The following ECM1 variants were observed in gnomAD, a reference collection of about 807,000 sequenced individuals.
ECM1 encodes the protein secretory component p85.
In ECM1, 54 loss-of-function variants were observed where a neutral mutation model predicts 57.9. The observed-to-expected ratio is 0.93, with a 90% CI of 0.75 to 1.17. ECM1 has a LOEUF of 1.17. Ranked by LOEUF, ECM1 falls within the 50% of genes most tolerant of loss-of-function variation. The pLI, the probability that ECM1 is intolerant of heterozygous loss-of-function variation, is 0.00. For synonymous variants in ECM1, 237 were observed against 259.1 expected, an observed-to-expected ratio of 0.91 and a Z score of 0.82; for missense variants, 649 against 688.1, an observed-to-expected ratio of 0.94 and a Z score of 0.64.
rs1172419698 is a variant in ECM1 at position 150,513,679 on chromosome 1, T to G, written c.*212T>G. 3.7e-6 allele frequency: 2 copies of G among 535,956 alleles called. No homozygotes were observed. Among genetic ancestry groups the G allele is most frequent in the African/African-American group, 3.8e-5 (2 of 52,852 alleles). 33.2% of individuals were successfully genotyped at this position (535,956 alleles called of 1,614,324 possible). ...ACAGACAAACACACCCTCCTAAGCCTGCTTGTATTTCCTTCAGTGCCTGGC... is the reference window on the plus strand; with the variant it reads ...ACAGACAAACACACCCTCCTAAGCCGGCTTGTATTTCCTTCAGTGCCTGGC... On this transcript the variant is annotated 3_prime_UTR_variant, in exon 10 of 10. Transcript: ENST00000369047.
At chr1:150,510,852 T>C in intron 5 of ECM1, 24 bp from the exon 6 acceptor site, 1 of 1,612,988 alleles carries the variant, frequency 6.2e-7, no homozygotes, top group Non-Finnish European at 8.5e-7. Flanking sequence ...ATGTCCCCGC[T>C]TCCCACTGTT....
chr1:150,510,788 A>T, intron 5 of ECM1, 88 bp from the exon 6 acceptor site: 1 of 1,354,772 alleles, frequency 7.4e-7, no homozygotes, highest in Non-Finnish European at 1.1e-6. Flanking sequence ...TTTCTCCTCC[A>T]CCCCAGATTC....
Position 150,513,444 on chromosome 1 carries a change from A to T in ECM1, c.1600A>T (p.Thr534Ser). 6.2e-7 allele frequency: 1 copy of T among 1,613,268 alleles called. No homozygotes were observed. Among genetic ancestry groups the T allele is most frequent in the South Asian group, 1.1e-5 (1 of 91,046 alleles). The change falls in exon 10 of 10, where the codon ACC becomes TCC. Residue 534 changes from threonine (T) to serine (S), a missense_variant. Physicochemically the swap from Thr to Ser is moderately conservative, Grantham distance 58. Transcript: ENST00000369047. ...GSTGGTNISS[T>S]SEPKEE ...AACTGGAGGAACAAATATCAGCTCC[A>T]CCTCTGAGCCCAAGGAAGAATGAGT...
chr1:150,511,383 C>T (rs1283119931), intron 6 of ECM1, 74 bp from the exon 7 acceptor site: 6 of 1,611,570 alleles, frequency 3.7e-6, no homozygotes, highest in Non-Finnish European at 4.2e-6. Context: ...ATCTGCCTGC[C>T]CAGTGTCCTT....
In ECM1 at chr1:150,513,546, A is replaced by C; in HGVS notation, c.*79A>C. 1.5e-6 allele frequency: 2 copies of C among 1,290,484 alleles called. No homozygotes were observed. Among genetic ancestry groups the C allele is most frequent in the Non-Finnish European group, 2.2e-6 (2 of 928,198 alleles). The allele number at this position is 1,290,484 out of a possible 1,614,324, so 79.9% of individuals were successfully genotyped here. On this transcript the variant is annotated 3_prime_UTR_variant, in exon 10 of 10. Coordinates refer to ENST00000369047, the MANE Select transcript of ECM1 (RefSeq NM_004425.4). ...CATCTGAACACTCATTACACTAAAC[A>C]CCTCTTGGATTTGGTGTCCTCATTG...
At chr1:150,510,262 G>T in intron 5 of ECM1, 80 bp downstream of exon 5, 1 of 1,339,008 alleles carries the variant, frequency 7.5e-7, no homozygotes. Context: ...CAGACAAGAC[G>T]GTGGGCTCTG....
rs1560265956 is a variant in ECM1 at position 150,511,440 on chromosome 1, C to CT, written c.709-16dup. On this transcript the variant is annotated splice_polypyrimidine_tract_variant and intron_variant, in intron 6 of 9. Coordinates refer to ENST00000369047, the MANE Select transcript of ECM1 (RefSeq NM_004425.4). ...CAGGAATGTGGAAAGTGGGCTGATC[C>CT]TCCCCTCTTGCTCTAGTGGGAGGAA... is the stretch of plus-strand genomic sequence containing the variant. 1.9e-6 allele frequency: 3 copies of CT among 1,614,020 alleles called. No homozygotes were observed.
At chr1:150,508,641 T>C (rs1570881163) in intron 1 of ECM1, among the ~76,000 whole-genome samples, 1 of 151,964 alleles carries the variant, frequency 6.6e-6, no homozygotes, top group East Asian at 1.9e-4. Flanking sequence ...CAAAACCGGA[T>C]TGCTGGCCCA....
Position 150,511,202 on chromosome 1 carries a change from AGGTTGGGTTCTTG to A in ECM1, c.708+5_708+17del. The A allele has an allele frequency of 1.9e-6, 3 of 1,614,112 alleles. No individual in the cohort carries two copies. Among genetic ancestry groups the A allele is most frequent in the Admixed American group, 1.7e-5 (1 of 60,024 alleles). The stretch of plus-strand genomic sequence containing the variant: ...CCTAGAGTGTGCCAAACTTGTGGTA[AGGTTGGGTTCTTG>A]ATGCCGGGGGGTGTCCTTTAACCCC... On this transcript the variant is annotated splice_donor_5th_base_variant and intron_variant, in intron 6 of 9. Transcript: ENST00000369047.
chr1:150,513,430 C>T lies in ECM1; in HGVS notation c.1586C>T (p.Thr529Ile). ...GQGEQGSTGGTNISSTSEPKE... is the reference protein window; with the variant it reads ...GQGEQGSTGGINISSTSEPKE... ...GGGGAGCAGGGCTCAACTGGAGGAA[C>T]AAATATCAGCTCCACCTCTGAGCCC... is the stretch of plus-strand genomic sequence containing the variant. Residue 529 changes from threonine to isoleucine, a missense_variant, in exon 10 of 10, where the codon ACA becomes ATA. By Grantham distance (89) the Thr-to-Ile change is moderately conservative (BLOSUM62 -1). Coordinates refer to ENST00000369047, the MANE Select transcript of ECM1 (RefSeq NM_004425.4). The T allele has an allele frequency of 6.2e-7, 1 of 1,613,896 alleles. No individual in the cohort carries two copies. Among genetic ancestry groups the T allele is most frequent in the South Asian group, 1.1e-5 (1 of 91,076 alleles).
At position 150,512,830 on chromosome 1, in the gene ECM1, A is replaced by G. The variant is rs1670481212; in HGVS notation, c.1392+18A>G. ...AGGAGGAGGTGAGTGTGTGGAGTCT[A>G]GTCTCCAGAGGAATGCAGGGGAGGG... On this transcript the variant is annotated intron_variant, in intron 9 of 9. Coordinates refer to ENST00000369047, the MANE Select transcript of ECM1 (RefSeq NM_004425.4). 1 of 1,613,106 alleles carries G rather than the reference A, an allele frequency of 6.2e-7. No homozygotes were observed. The highest frequency in any genetic ancestry group is 2.2e-5 in the East Asian group (1 of 44,880).
In ECM1 at chr1:150,510,879, C is replaced by T. The variant is rs3737240; in HGVS notation, c.389C>T (p.Thr130Met). 599,867 of 1,613,194 alleles carry T rather than the reference C, an allele frequency of 0.37. 117,482 individuals are homozygous for T. The highest frequency in any genetic ancestry group is 0.42 in the Middle Eastern group (2,557 of 6,062). ...CCCACTGTTTTCCCCATTCCAGGAA[C>T]GCCAGCTCCATTTGGGGACCAGAGC... ...LQHPNEQKEG[T>M]PAPFGDQSHP... Residue 130 changes from threonine (T) to methionine (M), a missense_variant, in exon 6 of 10, where the codon ACG (threonine) becomes ATG (methionine). Thr to Met is a moderately conservative substitution (Grantham distance 81). Transcript: ENST00000369047.
In ECM1 at chr1:150,510,546, C is replaced by G. The variant is rs1438281417; in HGVS notation, c.386-330C>G. The stretch of plus-strand genomic sequence containing the variant: ...TTCCATATCAGGAGGAGATAATCAT[C>G]CATTCCATGCCGAGAGAGGGTGAGT... On this transcript the variant is annotated intron_variant, in intron 5 of 9. Coordinates refer to ENST00000369047, the MANE Select transcript of ECM1 (RefSeq NM_004425.4). 9.3e-5 allele frequency: 51 copies of G among 547,120 alleles called. 1 individual carries two copies. In the Admixed American group the frequency reaches 1.6e-3, roughly 17 times the overall value. The allele number at this position is 547,120 out of a possible 1,614,324, so 33.9% of individuals were successfully genotyped here.
Position 150,510,190 on chromosome 1 carries a change from GCTCCCTCT to G in ECM1, c.385+11_385+18del. The G allele has an allele frequency of 6.2e-7, 1 of 1,613,470 alleles. No homozygotes were observed. Among genetic ancestry groups the G allele is most frequent in the Non-Finnish European group, 8.5e-7 (1 of 1,179,410 alleles). ...CCAATGAACAGAAGGAAGGTAAGCA[GCTCCCTCT>G]CTTCTTTACCCACCTTTACCTCATG... On this transcript the variant is annotated intron_variant, in intron 5 of 9. Transcript: ENST00000369047.
chr1:150,508,310 G>T, intron 1 of ECM1, 31 bp downstream of exon 1: 2 of 1,603,048 alleles, frequency 1.2e-6, no homozygotes, highest in Non-Finnish European at 1.7e-6. Context: ...TTAGGAGGGG[G>T]TCTGGGCTTG....
chr1:150,511,959 G>A (rs1389415363), intron 7 of ECM1, 128 bp downstream of exon 7: 2 of 1,281,698 alleles, frequency 1.6e-6, no homozygotes, highest in East Asian at 5.0e-5. Flanking sequence ...TCATCTGCTT[G>A]TGGCTGTCCG....
At chr1:150,510,550 T>A in intron 5 of ECM1, 1 of 547,234 alleles carries the variant, frequency 1.8e-6, no homozygotes. Context: ...AATCATCCAT[T>A]CCATGCCGAG....
Position 150,510,170 on chromosome 1 carries a change from GA to G in ECM1, c.375del (p.Glu125AspfsTer53), listed in dbSNP as rs1484831455. ...KELPSLQHPN[E>X]QKEGTPAPFG... is the part of the protein sequence containing the mutation. ...GCTGCCCTCTCTCCAGCACCCCAATGAACAGAAGGAAGGTAAGCAGCTCCCT... is the reference window on the plus strand; with the variant it reads ...GCTGCCCTCTCTCCAGCACCCCAATGACAGAAGGAAGGTAAGCAGCTCCCT... On this transcript the variant is annotated frameshift_variant, in exon 5 of 10. Transcript: ENST00000369047. LOFTEE classifies it high-confidence loss of function. 6.2e-7 allele frequency: 1 copy of G among 1,613,864 alleles called. No individual in the cohort carries two copies. The highest frequency in any genetic ancestry group is 8.5e-7 in the Non-Finnish European group (1 of 1,179,932).
At chr1:150,510,558 G>T in intron 5 of ECM1, 1 of 549,514 alleles carries the variant, frequency 1.8e-6, no homozygotes, top group South Asian at 2.1e-5. Flanking sequence ...ATTCCATGCC[G>T]AGAGAGGGTG....
Sources: allele counts gnomAD v4.1 joint callset (sites outside exome capture counted in the v4.1 genomes callset), GRCh38; gene constraint gnomAD v4.1.1; transcripts MANE v1.5; gene names NCBI Gene and HGNC (gene_info 2026-07-23, HGNC 2026-07-21).